Variants in FBXO21 observed in about 807,000 individuals in gnomAD.
The protein encoded by FBXO21 is F-box protein 21.
FBXO21 carries 32 observed loss-of-function variants against 76.6 expected under a neutral mutation model. The ratio of observed to expected loss-of-function variants is 0.42; its 90% CI spans 0.32 to 0.56. The LOEUF is 0.56. Ranked by LOEUF, FBXO21 falls within the 20% of genes least tolerant of loss-of-function variation. FBXO21 has a pLI of 0.16. For synonymous variants in FBXO21, 328 were observed against 311.5 expected (o/e 1.05, Z -0.56); for missense variants, 586 against 797.3 (o/e 0.73, Z 3.19).
At chr12:117,189,453 T>C in intron 1 of FBXO21, 91 bp from the exon 2 acceptor site, 2 of 1,405,498 alleles carry the variant, frequency 1.4e-6, no homozygotes, top group East Asian at 2.3e-5. Context: ...GGGACAGCAG[T>C]GGCGTCCAGT....
At chr12:117,162,867 T>A (rs566289839) in intron 9 of FBXO21, among the ~76,000 whole-genome samples, 91 of 152,324 alleles carry the variant, frequency 6.0e-4, no homozygotes, top group African/African-American at 1.9e-3. Context: ...ACGTGCAGGC[T>A]GTTCCCACTG....
chr12:117,148,003 A>T (rs933698934), intron 11 of FBXO21, among the ~76,000 whole-genome samples: 1 of 152,234 alleles, frequency 6.6e-6, no homozygotes, highest in Admixed American at 6.5e-5. Context: ...ATTATTTCTT[A>T]AACAGCTGGG....
chr12:117,190,452 G>A lies in FBXO21; in HGVS notation c.5C>T (p.Ala2Val), dbSNP rs1322983533. 2 of 1,341,478 alleles carry A rather than the reference G, an allele frequency of 1.5e-6. No individual in the cohort carries two copies. Among genetic ancestry groups the A allele is most frequent in the Non-Finnish European group, 1.0e-6 (1 of 1,002,102 alleles). The allele number at this position is 1,341,478 out of a possible 1,614,324, so 83.1% of individuals were successfully genotyped here. Reference protein sequence around the residue: MAAAAVDSAMEV... With the variant: MVAAAVDSAMEV... ...CATCGCGCTGTCGACTGCTGCCGCC[G>A]CCATCTTGTCCGCGTACCTGGGGCC... The change falls in exon 1 of 12, where the codon GCG (alanine) becomes GTG (valine). Residue 2 changes from alanine (A) to valine (V), a missense_variant. Around this residue, in one of 6 missense-constraint regions of FBXO21, gnomAD observed 152 missense variants for 127.2 expected, o/e 1.19. Coordinates refer to ENST00000622495, the MANE Select transcript of FBXO21 (RefSeq NM_015002.3).
chr12:117,154,904 C>G (rs1384938573), intron 11 of FBXO21: 1 of 152,198 alleles, frequency 6.6e-6, no homozygotes, highest in African/African-American at 2.4e-5. Flanking sequence ...CTCTGTCAAG[C>G]TGCCTGGCTT....
intron 11 of FBXO21, chr12:117,155,023 A>C (rs1955894431): frequency 6.6e-6 from 1 of 152,262 alleles, no homozygotes; most frequent in Non-Finnish European, 1.5e-5. Context: ...TATACATTAG[A>C]ATGATGTCCG....
At chr12:117,151,793 T>C (rs77471156) in intron 11 of FBXO21, among the ~76,000 whole-genome samples, 12 of 152,220 alleles carry the variant, frequency 7.9e-5, no homozygotes, top group Non-Finnish European at 1.0e-4. Flanking sequence ...CTCTTGTTCA[T>C]TGAAGTAGAG....
At chr12:117,189,102 G>A (rs1483412809) in intron 2 of FBXO21, 125 bp downstream of exon 2, 7 of 1,059,064 alleles carry the variant, frequency 6.6e-6, no homozygotes, top group Non-Finnish European at 9.9e-6. Context: ...AGCCATCTAA[G>A]TGAGTAAGGG....
chr12:117,156,571 C>T (rs1955917985), intron 10 of FBXO21, among the ~76,000 whole-genome samples: 1 of 152,158 alleles, frequency 6.6e-6, no homozygotes, highest in South Asian at 2.1e-4. Context: ...GAAATCGCTA[C>T]AGGTGAAATG....
In FBXO21 at chr12:117,190,279, G is replaced by A; in HGVS notation, c.178C>T (p.Arg60Trp). Residue 60 changes from arginine (R) to tryptophan (W), a missense_variant, in exon 1 of 12, where the codon CGG (arginine) becomes TGG (tryptophan). This residue lies in a region of FBXO21 where 152 missense variants were observed against 127.2 expected (regional missense o/e 1.19). Coordinates refer to ENST00000622495, the MANE Select transcript of FBXO21 (RefSeq NM_015002.3). ...CTCTGGCACAGCTCGCGCAGCCGCC[G>A]GCAGGTGCTGGAGACACGGCCGATG... ...ADIGRVSSTC[R>W]RLRELCQSSG... 6.5e-7 allele frequency: 1 copy of A among 1,538,532 alleles called. No homozygotes were observed. The highest frequency in any genetic ancestry group is 8.7e-7 in the Non-Finnish European group (1 of 1,153,376).
chr12:117,190,388 C>T lies in FBXO21; in HGVS notation c.69G>A (p.Glu23=). 1.3e-6 allele frequency: 2 copies of T among 1,503,738 alleles called. No individual in the cohort carries two copies. Among genetic ancestry groups the T allele is most frequent in the Non-Finnish European group, 1.8e-6 (2 of 1,134,710 alleles). 93.1% of individuals were successfully genotyped at this position (1,503,738 alleles called of 1,614,324 possible). A position where few individuals can be genotyped will look rare whatever the true frequency, so the allele number is the denominator to read the frequency against. The stretch of plus-strand genomic sequence containing the variant: ...TGACGAGGCAGCTGAGGCCCGCTAC[C>T]TCCGGCGCGGCCTCCTCCGCCAGCG... The part of the protein sequence containing the change: ...VPALAEEAAP[E]VAGLSCLVNL... The change falls in exon 1 of 12, where the codon GAG becomes GAA. Residue 23 remains glutamate (E), a synonymous_variant. Transcript: ENST00000622495.
At chr12:117,185,417 T>C (rs1956272320) in intron 3 of FBXO21, among the ~76,000 whole-genome samples, 1 of 152,194 alleles carries the variant, frequency 6.6e-6, no homozygotes, top group South Asian at 2.1e-4. Context: ...AAGATTCCTT[T>C]TAAGGAAGAT....
At chr12:117,168,194 T>A (rs1956077521) in intron 7 of FBXO21, among the ~76,000 whole-genome samples, 2 of 152,160 alleles carry the variant, frequency 1.3e-5, no homozygotes, top group African/African-American at 4.8e-5. Flanking sequence ...AAAAGTCCAG[T>A]CGAATTTCTT....
intron 11 of FBXO21, among the ~76,000 whole-genome samples, chr12:117,149,377 C>T (rs1241985654): frequency 6.6e-6 from 1 of 152,096 alleles, no homozygotes; most frequent in African/African-American, 2.4e-5. Flanking sequence ...GACAAAAATC[C>T]CCTTTGCTCT....
intron 9 of FBXO21, among the ~76,000 whole-genome samples, chr12:117,161,704 C>T (rs533510890): frequency 1.6e-4 from 24 of 152,166 alleles, no homozygotes; most frequent in African/African-American, 5.5e-4. Flanking sequence ...GGCAGGGGTC[C>T]AGTGCTCCAG....
At chr12:117,154,148 CA>C (rs1036372696) in intron 11 of FBXO21, 2 of 152,216 alleles carry the variant, frequency 1.3e-5, no homozygotes, top group African/African-American at 4.8e-5. Flanking sequence ...GTGAATCAGT[CA>C]ATAATGTCCA....
intron 9 of FBXO21, among the ~76,000 whole-genome samples, chr12:117,162,844 C>T (rs1955998733): frequency 6.6e-6 from 1 of 152,216 alleles, no homozygotes; most frequent in African/African-American, 2.4e-5. Context: ...CCACACCCTC[C>T]CACCCCTGGA....
intron 11 of FBXO21, chr12:117,154,922 T>C (rs992203246): frequency 2.6e-5 from 4 of 152,156 alleles, no homozygotes; most frequent in African/African-American, 9.7e-5. Context: ...CTTCAAATCG[T>C]GTTCTCTAAG....
At chr12:117,168,391 G>C (rs996612871) in intron 7 of FBXO21, among the ~76,000 whole-genome samples, 1 of 152,090 alleles carries the variant, frequency 6.6e-6, no homozygotes, top group African/African-American at 2.4e-5. Context: ...GGGCGTGGTG[G>C]TGCATGCCTG....
chr12:117,146,448 G>A (rs1955771402), intron 11 of FBXO21, among the ~76,000 whole-genome samples, 171 bp from the exon 12 acceptor site: 1 of 152,214 alleles, frequency 6.6e-6, no homozygotes, highest in Non-Finnish European at 1.5e-5. Context: ...GGCAGCAAGT[G>A]GCAATCAGGA....
Sources: allele counts gnomAD v4.1 joint callset (sites outside exome capture counted in the v4.1 genomes callset), GRCh38; gene constraint gnomAD v4.1.1; regional missense constraint gnomAD v4.1.1; transcripts MANE v1.5; gene names NCBI Gene and HGNC (gene_info 2026-07-23, HGNC 2026-07-21).